Variants in KLRG1 observed in about 807,000 individuals in gnomAD.
The protein encoded by KLRG1 is killer cell lectin like receptor G1, also known as killer cell lectin-like receptor subfamily G member 1.
In KLRG1, 16 loss-of-function variants were observed where a neutral mutation model predicts 21.8. The observed-to-expected ratio is 0.73, with a 90% CI of 0.50 to 1.11. The LOEUF is 1.11. Ranked by LOEUF, KLRG1 falls within the 50% of genes most tolerant of loss-of-function variation. KLRG1 has a pLI of 0.00. For missense variants in KLRG1, 173 were observed against 218.3 expected (o/e 0.79, Z 1.31); for synonymous variants, 69 against 75.9 (o/e 0.91, Z 0.47).
chr12:9,112,864 T>C, the KLRG1 span, among the ~76,000 whole-genome samples: 8 of 152,162 alleles, frequency 5.3e-5, no homozygotes, highest in African/African-American at 1.9e-4. Flanking sequence ...TCGAAGCATG[T>C]TTTACAGGCT....
chr12:9,001,004 T>C (rs1402422952), intron 3 of KLRG1, among the ~76,000 whole-genome samples: 2 of 152,246 alleles, frequency 1.3e-5, no homozygotes, highest in African/African-American at 4.8e-5. Flanking sequence ...CTTTGAAATT[T>C]CTTAACGTTA....
intron 1 of KLRG1, 29 bp downstream of exon 1, chr12:8,989,746 G>A (rs1946913017): frequency 3.8e-6 from 5 of 1,311,296 alleles, no homozygotes; most frequent in Non-Finnish European, 5.5e-6. Context: ...CATGGAAGAC[G>A]ATGCATAGCA....
At chr12:9,175,339 A>G in the KLRG1 span, among the ~76,000 whole-genome samples, 1 of 152,178 alleles carries the variant, frequency 6.6e-6, no homozygotes, top group African/African-American at 2.4e-5. Context: ...TTAAATGTGA[A>G]ACCCAAAACT....
chr12:9,009,938 C>T lies in KLRG1; in HGVS notation c.*401C>T. On this transcript the variant is annotated 3_prime_UTR_variant, in exon 5 of 5. Coordinates refer to ENST00000356986, the MANE Select transcript of KLRG1 (RefSeq NM_005810.4). ...CTATTGCTTGTGTACTAGAGAAGTA[C>T]ATTATTGCTGTACTCCTCTGTACAT... 1.3e-6 allele frequency: 2 copies of T among 1,523,484 alleles called. No homozygotes were observed. The highest frequency in any genetic ancestry group is 2.4e-5 in the South Asian group (2 of 83,636). 94.4% of individuals were successfully genotyped at this position (1,523,484 alleles called of 1,614,324 possible).
the KLRG1 span, among the ~76,000 whole-genome samples, chr12:9,183,026 CAG>C: frequency 2.9e-3 from 444 of 152,254 alleles, 2 homozygotes; most frequent in Middle Eastern, 6.8e-3. Context: ...CATAGGATAA[CAG>C]AGTCTCTCGA....
At chr12:9,148,968 G>GA in the KLRG1 span, 1 of 1,609,340 alleles carries the variant, frequency 6.2e-7, no homozygotes, top group South Asian at 1.1e-5. Flanking sequence ...AGCCTGTATG[G>GA]TCCTCAAACA....
At chr12:9,061,548 T>C in the KLRG1 span, among the ~76,000 whole-genome samples, 1 of 152,202 alleles carries the variant, frequency 6.6e-6, no homozygotes, top group South Asian at 2.1e-4. Context: ...TCGTGGTGAC[T>C]CACCCCTGTA....
chr12:9,003,572 C>A (rs2137405058), intron 3 of KLRG1, among the ~76,000 whole-genome samples: 1 of 152,026 alleles, frequency 6.6e-6, no homozygotes, highest in South Asian at 2.1e-4. Context: ...ATTACAGTGT[C>A]ATTTCATCTG....
rs760209666 is a variant in KLRG1 at position 8,954,762 on chromosome 12, A to G, written c.-156+4526A>G. Among the ~76,000 whole-genome samples the G allele has an allele frequency of 2.0e-5, 3 of 152,318 alleles. No homozygotes were observed. The South Asian group carries it at 6.2e-4, about 32-fold the overall frequency. The stretch of plus-strand genomic sequence containing the variant: ...CCCATTATATTCATTGTATGTATAC[A>G]TTTATTCACATATAAGAAAACACAG... On this transcript the variant is annotated intron_variant, in intron 1 of 4. Transcript: ENST00000539240.
At chr12:9,159,884 T>C in the KLRG1 span, 1 of 1,441,010 alleles carries the variant, frequency 6.9e-7, no homozygotes, top group Non-Finnish European at 9.8e-7. Context: ...ACAGGTAATC[T>C]ATGTGCACGT....
the KLRG1 span, among the ~76,000 whole-genome samples, chr12:9,207,632 C>A: frequency 4.6e-5 from 7 of 152,284 alleles, no homozygotes; most frequent in South Asian, 1.5e-3. Flanking sequence ...AGAAGTCAGA[C>A]TGACAGTAGC....
At chr12:9,106,359 A>G in the KLRG1 span, 1 of 1,566,208 alleles carries the variant, frequency 6.4e-7, no homozygotes, top group Admixed American at 1.7e-5. Flanking sequence ...AAAAAAGAGA[A>G]AAAAATCTGT....
At chr12:9,179,338 GAT>G in the KLRG1 span, among the ~76,000 whole-genome samples, 3 of 152,110 alleles carry the variant, frequency 2.0e-5, no homozygotes, top group African/African-American at 7.2e-5. Flanking sequence ...CAAGGACTGT[GAT>G]ATGTTTCCTT....
At chr12:9,199,335 C>A in the KLRG1 span, among the ~76,000 whole-genome samples, 6 of 152,098 alleles carry the variant, frequency 3.9e-5, no homozygotes, top group Non-Finnish European at 7.4e-5. Flanking sequence ...ATCAGCGCAT[C>A]CTCCTTCCTC....
chr12:9,194,162 T>C, the KLRG1 span: 8 of 1,613,734 alleles, frequency 5.0e-6, no homozygotes, highest in Non-Finnish European at 6.8e-6. Context: ...TGCATTGGAG[T>C]AATAATTGGC....
chr12:8,966,406 A>G (rs1281468780), intron 1 of KLRG1, among the ~76,000 whole-genome samples: 1 of 152,110 alleles, frequency 6.6e-6, no homozygotes, highest in Admixed American at 6.5e-5. Flanking sequence ...CAGGCAACCT[A>G]CAGAATGGGA....
At chr12:8,997,082 A>G (rs144546874) in intron 3 of KLRG1, among the ~76,000 whole-genome samples, 35 of 152,346 alleles carry the variant, frequency 2.3e-4, no homozygotes, top group African/African-American at 7.9e-4. Flanking sequence ...GAGGAAGGGC[A>G]GGATCATTAG....
At chr12:9,038,306 G>T in the KLRG1 span, among the ~76,000 whole-genome samples, 1 of 152,144 alleles carries the variant, frequency 6.6e-6, no homozygotes, top group Admixed American at 6.5e-5. Flanking sequence ...AAGGCAGGCT[G>T]CCAGGAAGGG....
At chr12:9,036,767 T>C in the KLRG1 span, 21 of 379,392 alleles carry the variant, frequency 5.5e-5, no homozygotes, top group South Asian at 4.8e-4. Flanking sequence ...GTGATGTTAA[T>C]TTTGATTTTG....
Sources: allele counts gnomAD v4.1 joint callset (sites outside exome capture counted in the v4.1 genomes callset), GRCh38; gene constraint gnomAD v4.1.1; transcripts MANE v1.5; gene names NCBI Gene and HGNC (gene_info 2026-07-23, HGNC 2026-07-21).